Variants in PAN3 observed in about 807,000 individuals in gnomAD.
PAN3 encodes the protein PAN2-PAN3 deadenylation complex subunit PAN3.
In PAN3, 19 loss-of-function variants were observed where a neutral mutation model predicts 96.2. The ratio of observed to expected loss-of-function variants is 0.20; its 90% CI spans 0.14 to 0.29. The LOEUF (loss-of-function observed/expected upper bound fraction) is 0.29. Among genes scored for constraint, PAN3 ranks in the 10% least tolerant of loss-of-function variants. The pLI, the probability that PAN3 is intolerant of heterozygous loss-of-function variation, is 1.00. For missense variants in PAN3, 882 were observed against 1,108.1 expected (o/e 0.80, Z 2.90); for synonymous variants, 433 against 406.6 (o/e 1.06, Z -0.78).
chr13:28,198,614 A>G (rs1308781897), intron 5 of PAN3, among the ~76,000 whole-genome samples: 1 of 152,194 alleles, frequency 6.6e-6, no homozygotes, highest in Non-Finnish European at 1.5e-5. Flanking sequence ...CTGGATTATA[A>G]TTTTATTTCC....
At chr13:28,215,091 T>C in intron 5 of PAN3, 1 of 892,008 alleles carries the variant, frequency 1.1e-6, no homozygotes, top group East Asian at 2.4e-5. Flanking sequence ...ATTTGTGCCA[T>C]TTGCTGGTTG....
chr13:28,202,220 G>T lies in PAN3; in HGVS notation c.852+4874G>T, dbSNP rs1035530645. Among the ~76,000 whole-genome samples, 3 of 152,256 alleles carry T rather than the reference G, an allele frequency of 2.0e-5. No individual in the cohort carries two copies. The Middle Eastern group carries it at 0.01, about 518-fold the overall frequency. On this transcript the variant is annotated intron_variant, in intron 5 of 18. Transcript: ENST00000380958. ...GACAACAGAATTGGGCCTTAGGAAAGCTTAATGCTGGTTAGTGGTAGAGCT... is the reference window on the plus strand; with the variant it reads ...GACAACAGAATTGGGCCTTAGGAAATCTTAATGCTGGTTAGTGGTAGAGCT...
At chr13:28,270,962 AT>A in intron 13 of PAN3, 96 bp downstream of exon 13, 1 of 1,234,000 alleles carries the variant, frequency 8.1e-7, no homozygotes, top group Non-Finnish European at 1.1e-6. Flanking sequence ...GCCTTTTCAT[AT>A]ATTCCATCCA....
chr13:28,236,340 C>G (rs926953021), intron 6 of PAN3, among the ~76,000 whole-genome samples: 8 of 152,134 alleles, frequency 5.3e-5, no homozygotes, highest in Non-Finnish European at 8.8e-5. Context: ...TCTCTAGTCC[C>G]CATCTAGGAC....
chr13:28,156,160 ACTG>A (rs2138000014), intron 1 of PAN3, among the ~76,000 whole-genome samples: 1 of 151,692 alleles, frequency 6.6e-6, no homozygotes, highest in Non-Finnish European at 1.5e-5. Context: ...AGATTGCTAG[ACTG>A]CTAACTAGAC....
At chr13:28,288,744 T>A (rs1869299115) in intron 18 of PAN3, among the ~76,000 whole-genome samples, 1 of 152,206 alleles carries the variant, frequency 6.6e-6, no homozygotes, top group South Asian at 2.1e-4. Flanking sequence ...AAAAAAATAA[T>A]TTTGTGTTTA....
At chr13:28,240,314 T>C (rs1057371923) in intron 6 of PAN3, among the ~76,000 whole-genome samples, 2 of 152,296 alleles carry the variant, frequency 1.3e-5, no homozygotes, top group East Asian at 3.9e-4. Context: ...CTTCATACCC[T>C]AATTTTCTGG....
intron 6 of PAN3, among the ~76,000 whole-genome samples, chr13:28,240,259 A>G (rs1883533701): frequency 6.6e-6 from 1 of 152,104 alleles, no homozygotes; most frequent in African/African-American, 2.4e-5. Context: ...AATTATATGG[A>G]TTTTTAATCT....
intron 14 of PAN3, among the ~76,000 whole-genome samples, 179 bp from the exon 15 acceptor site, chr13:28,277,058 A>AGAGCC (rs1887122936): frequency 6.6e-6 from 1 of 152,170 alleles, no homozygotes; most frequent in Admixed American, 6.5e-5. Context: ...TCTCTGGTAG[A>AGAGCC]GAGGCTCGAA....
At chr13:28,219,523 T>G (rs898459007) in intron 5 of PAN3, among the ~76,000 whole-genome samples, 1 of 152,222 alleles carries the variant, frequency 6.6e-6, no homozygotes, top group African/African-American at 2.4e-5. Flanking sequence ...TTATGTATAG[T>G]CTCATATGTT....
Position 28,292,739 on chromosome 13 carries a change from A to G in PAN3, c.*217A>G. ...CCATTGGAGGCTGTTATCTGTGAAGAATTTATTTTAGATTTAGGAGCACCA... is the reference window on the plus strand; with the variant it reads ...CCATTGGAGGCTGTTATCTGTGAAGGATTTATTTTAGATTTAGGAGCACCA... On this transcript the variant is annotated 3_prime_UTR_variant, in exon 19 of 19. Coordinates refer to ENST00000380958, the MANE Select transcript of PAN3 (RefSeq NM_175854.8). 1 of 370,964 alleles carries G rather than the reference A, an allele frequency of 2.7e-6. No homozygotes were observed. Among genetic ancestry groups the G allele is most frequent in the Non-Finnish European group, 4.7e-6 (1 of 210,876 alleles). The allele number at this position is 370,964 out of a possible 1,614,324, so 23.0% of individuals were successfully genotyped here.
chr13:28,292,921 G>GT lies in PAN3; in HGVS notation c.*404dup, dbSNP rs1566268622. ...TTTTTGGGAAGCAATGCTGGGCAGCGTTTTTGCCATTGAGGGTTGCAGAAT... is the reference window on the plus strand; with the variant it reads ...TTTTTGGGAAGCAATGCTGGGCAGCGTTTTTTGCCATTGAGGGTTGCAGAAT... On this transcript the variant is annotated 3_prime_UTR_variant, in exon 19 of 19. Coordinates refer to ENST00000380958, the MANE Select transcript of PAN3 (RefSeq NM_175854.8). The GT allele has an allele frequency of 1.3e-5, 2 of 153,778 alleles. No homozygotes were observed. Among genetic ancestry groups the GT allele is most frequent in the Non-Finnish European group, 2.9e-5 (2 of 69,142 alleles). The allele number at this position is 153,778 out of a possible 1,614,324, so 9.5% of individuals were successfully genotyped here. A position where few individuals can be genotyped will look rare whatever the true frequency, so the allele number is the denominator to read the frequency against.
At chr13:28,192,048 CTTT>C (rs58195419) in intron 4 of PAN3, among the ~76,000 whole-genome samples, 11 of 123,144 alleles carry the variant, frequency 8.9e-5, no homozygotes, top group African/African-American at 9.3e-5. Context: ...TAAAACAATA[CTTT>C]TTTTTTTTTT....
rs1488882746 is a variant in PAN3, at chr13:28,256,546, C to G, written c.1248+7C>G. ...AGCACCTTTGACTGGAATGGTATGT[C>G]TACATTAAAGAGGAAATTTTAGTAC... On this transcript the variant is annotated splice_region_variant and intron_variant, in intron 7 of 18. Transcript: ENST00000380958. The G allele has an allele frequency of 6.2e-7, 1 of 1,607,322 alleles. No individual in the cohort carries two copies. Among genetic ancestry groups the G allele is most frequent in the East Asian group, 2.2e-5 (1 of 44,816 alleles).
At chr13:28,174,986 CT>C (rs899119705) in intron 2 of PAN3, among the ~76,000 whole-genome samples, 8 of 151,982 alleles carry the variant, frequency 5.3e-5, no homozygotes, top group African/African-American at 1.7e-4. Context: ...CTTTTTGGCT[CT>C]TTTTTTCCCC....
At chr13:28,173,529 A>G (rs1593408016) in intron 1 of PAN3, among the ~76,000 whole-genome samples, 2 of 152,358 alleles carry the variant, frequency 1.3e-5, no homozygotes, top group Non-Finnish European at 2.9e-5. Flanking sequence ...TGTTTTCCAA[A>G]GAGACCCAAC....
At chr13:28,193,068 G>T (rs377705966) in intron 4 of PAN3, among the ~76,000 whole-genome samples, 24 of 152,266 alleles carry the variant, frequency 1.6e-4, no homozygotes, top group South Asian at 6.2e-4. Flanking sequence ...CAACACTAAT[G>T]ATAGCTGATG....
At chr13:28,239,036 T>C (rs1320806493) in intron 6 of PAN3, among the ~76,000 whole-genome samples, 3 of 152,066 alleles carry the variant, frequency 2.0e-5, no homozygotes, top group Non-Finnish European at 4.4e-5. Context: ...GAACCTTGAA[T>C]TTAAGGAATT....
chr13:28,212,803 G>A (rs1407275664), intron 5 of PAN3, among the ~76,000 whole-genome samples: 1 of 152,160 alleles, frequency 6.6e-6, no homozygotes, highest in Non-Finnish European at 1.5e-5. Context: ...CACACGCAGA[G>A]AAAATGTGAG....
Sources: gnomAD v4.1 joint callset for allele counts (sites outside exome capture counted in the v4.1 genomes callset) on GRCh38, gnomAD v4.1.1 for gene constraint, MANE v1.5 for transcripts, NCBI Gene and HGNC (gene_info 2026-07-23, HGNC 2026-07-21) for gene names.